ZFPM2: variants seen among roughly 807,000 people sequenced by gnomAD.
ZFPM2 encodes zinc finger protein, FOG family member 2.
A neutral mutation model predicts 98.6 loss-of-function variants in ZFPM2; 20 were observed. That is an observed-to-expected ratio of 0.20 (90% CI 0.14 to 0.29). The LOEUF (loss-of-function observed/expected upper bound fraction) is 0.29. ZFPM2 is among the 10% of genes least tolerant of loss of function. ZFPM2 has a pLI of 1.00. For missense variants in ZFPM2, 1,310 were observed against 1,388.6 expected (o/e 0.94, Z 0.90); for synonymous variants, 518 against 502.7 (o/e 1.03, Z -0.41).
chr8:105,743,490 G>A (rs1187909278), intron 5 of ZFPM2, among the ~76,000 whole-genome samples: 1 of 152,056 alleles, frequency 6.6e-6, no homozygotes, highest in African/African-American at 2.4e-5. Context: ...GACTCACCAG[G>A]TATATGCAGG....
chr8:105,332,663 C>T (rs1812254078), intron 1 of ZFPM2, among the ~76,000 whole-genome samples: 1 of 151,580 alleles, frequency 6.6e-6, no homozygotes, highest in Non-Finnish European at 1.5e-5. Flanking sequence ...ATGATTTAAT[C>T]TTGATAGATA....
intron 5 of ZFPM2, among the ~76,000 whole-genome samples, chr8:105,670,721 A>G (rs555182285): frequency 6.6e-6 from 1 of 152,292 alleles, no homozygotes; most frequent in East Asian, 1.9e-4. Flanking sequence ...TGCTTTCACT[A>G]AATGACTTAT....
At chr8:105,402,161 A>G (rs1345873234) in intron 1 of ZFPM2, among the ~76,000 whole-genome samples, 1 of 151,938 alleles carries the variant, frequency 6.6e-6, no homozygotes, top group Non-Finnish European at 1.5e-5. Flanking sequence ...CAGCCTTTCT[A>G]TATTTTCCTT....
chr8:105,525,432 T>C (rs1814154648), intron 3 of ZFPM2, among the ~76,000 whole-genome samples: 1 of 152,190 alleles, frequency 6.6e-6, no homozygotes, highest in African/African-American at 2.4e-5. Flanking sequence ...CTGATGAATA[T>C]GTCATGATTA....
chr8:105,733,191 T>G (rs1260674722), intron 5 of ZFPM2, among the ~76,000 whole-genome samples: 1 of 151,898 alleles, frequency 6.6e-6, no homozygotes, highest in Non-Finnish European at 1.5e-5. Context: ...TACACCCAGA[T>G]AGGCTGATGC....
At chr8:105,740,448 TTAAC>T (rs1399486379) in intron 5 of ZFPM2, among the ~76,000 whole-genome samples, 1 of 114,536 alleles carries the variant, frequency 8.7e-6, no homozygotes, top group Non-Finnish European at 1.8e-5. Flanking sequence ...AATAGCAAAA[TTAAC>T]TAATTATAGC....
chr8:105,438,011 C>G (rs1205011800), intron 2 of ZFPM2, among the ~76,000 whole-genome samples: 1 of 151,936 alleles, frequency 6.6e-6, no homozygotes, highest in Non-Finnish European at 1.5e-5. Context: ...CCACTGCACT[C>G]CAGCCTGGCA....
chr8:105,724,021 A>G (rs574569087), intron 5 of ZFPM2, among the ~76,000 whole-genome samples: 2 of 151,746 alleles, frequency 1.3e-5, no homozygotes, highest in South Asian at 4.2e-4. Context: ...AAATTATCAA[A>G]CCATCCTTTG....
At chr8:105,353,133 C>A (rs1676910101) in intron 1 of ZFPM2, among the ~76,000 whole-genome samples, 1 of 152,072 alleles carries the variant, frequency 6.6e-6, no homozygotes, top group Non-Finnish European at 1.5e-5. Context: ...TAATCTTTTA[C>A]CTTCCTAACT....
At chr8:105,798,119 AT>A (rs1395403293) in intron 6 of ZFPM2, 12 of 152,220 alleles carry the variant, frequency 7.9e-5, no homozygotes, top group Non-Finnish European at 1.8e-4. Flanking sequence ...TTACATCACT[AT>A]AAATGAATAT....
At chr8:105,428,249 C>T (rs577328477) in intron 2 of ZFPM2, among the ~76,000 whole-genome samples, 8 of 152,142 alleles carry the variant, frequency 5.3e-5, no homozygotes, top group African/African-American at 1.9e-4. Context: ...TTACTGTACA[C>T]GATGTGTCAG....
At chr8:105,635,325 C>T (rs1170998379) in intron 5 of ZFPM2, among the ~76,000 whole-genome samples, 1 of 152,080 alleles carries the variant, frequency 6.6e-6, no homozygotes, top group South Asian at 2.1e-4. Flanking sequence ...ACATCAAAGA[C>T]TCTTAAAAAC....
chr8:105,370,695 A>G (rs1292564910), intron 1 of ZFPM2, among the ~76,000 whole-genome samples: 1 of 152,200 alleles, frequency 6.6e-6, no homozygotes, highest in Non-Finnish European at 1.5e-5. Context: ...ACACTTATTG[A>G]AGACTTTCTT....
chr8:105,621,921 C>T lies in ZFPM2; in HGVS notation c.421-12325C>T, dbSNP rs143020489. ...TGTGCAGGTTTGTTACATAGGTATA[C>T]ATGTGCCATGTCGGTGTGCTGCACC... On this transcript the variant is annotated intron_variant, in intron 4 of 7. Transcript: ENST00000407775. Among the ~76,000 whole-genome samples the T allele has an allele frequency of 3.9e-5, 6 of 152,152 alleles. No homozygotes were observed. In the East Asian group the frequency reaches 1.2e-3, roughly 29 times the overall value.
chr8:105,511,634 A>T (rs1176867538), intron 3 of ZFPM2, among the ~76,000 whole-genome samples: 1 of 152,178 alleles, frequency 6.6e-6, no homozygotes, highest in African/African-American at 2.4e-5. Flanking sequence ...ATCATATTGG[A>T]TGAATTGTTT....
At chr8:105,698,175 T>A (rs1056458456) in intron 5 of ZFPM2, among the ~76,000 whole-genome samples, 4 of 152,236 alleles carry the variant, frequency 2.6e-5, no homozygotes, top group Non-Finnish European at 5.9e-5. Flanking sequence ...TGAATACTAG[T>A]TCTACCTTTC....
At chr8:105,445,470 A>G (rs775721604) in intron 3 of ZFPM2, among the ~76,000 whole-genome samples, 1 of 152,124 alleles carries the variant, frequency 6.6e-6, no homozygotes, top group Non-Finnish European at 1.5e-5. Flanking sequence ...ACCTTATGGC[A>G]TGATGCTTCT....
chr8:105,516,787 A>G (rs1432242302), intron 3 of ZFPM2, among the ~76,000 whole-genome samples: 1 of 152,146 alleles, frequency 6.6e-6, no homozygotes, highest in East Asian at 1.9e-4. Context: ...TCAAAAGCAG[A>G]CTGTGTGTCC....
At chr8:105,449,669 G>T (rs778837744) in intron 3 of ZFPM2, among the ~76,000 whole-genome samples, 1 of 151,826 alleles carries the variant, frequency 6.6e-6, no homozygotes, top group Non-Finnish European at 1.5e-5. Flanking sequence ...TTTATATCTT[G>T]GTTCTGCCAC....
Sources: allele counts gnomAD v4.1 joint callset (sites outside exome capture counted in the v4.1 genomes callset), GRCh38; gene constraint gnomAD v4.1.1; transcripts MANE v1.5; gene names NCBI Gene and HGNC (gene_info 2026-07-23, HGNC 2026-07-21).